C1QTNF7: variants seen among roughly 807,000 people sequenced by gnomAD.
C1QTNF7 encodes the protein complement C1q tumor necrosis factor-related protein 7.
Under a neutral mutation model 19.6 loss-of-function variants are expected in C1QTNF7, and 15 were observed. The observed-to-expected ratio is 0.76, with a 90% confidence interval of 0.51 to 1.18. The LOEUF is 1.18. Ranked by LOEUF, C1QTNF7 falls within the 50% of genes most tolerant of loss-of-function variation. The pLI is 0.00. For synonymous variants in C1QTNF7, 142 were observed against 137.5 expected (o/e 1.03, Z -0.23); for missense variants, 324 against 359.7 (o/e 0.90, Z 0.80).
chr4:15,394,490 A>G (rs564309129), intron 1 of C1QTNF7, among the ~76,000 whole-genome samples: 5 of 152,322 alleles, frequency 3.3e-5, no homozygotes, highest in African/African-American at 4.8e-5. Flanking sequence ...TCAAAAACAA[A>G]TTCATCCTCA....
chr4:15,410,458 T>A (rs932862970), intron 1 of C1QTNF7, among the ~76,000 whole-genome samples: 13 of 152,320 alleles, frequency 8.5e-5, no homozygotes, highest in Admixed American at 3.9e-4. Flanking sequence ...TGTGAATATT[T>A]TCCTTATGAT....
At chr4:15,341,706 C>T (rs533899027) in intron 1 of C1QTNF7, among the ~76,000 whole-genome samples, 2 of 152,220 alleles carry the variant, frequency 1.3e-5, no homozygotes, top group African/African-American at 2.4e-5. Flanking sequence ...GTCTCCTTCC[C>T]GGTCCTCTCG....
intron 1 of C1QTNF7, among the ~76,000 whole-genome samples, chr4:15,344,523 G>A (rs909154299): frequency 2.0e-5 from 3 of 152,132 alleles, no homozygotes; most frequent in Non-Finnish European, 4.4e-5. Flanking sequence ...ATTCTACATG[G>A]ACCTCAGTTT....
At chr4:15,427,963 T>C (rs2108931807), upstream of C1QTNF7, 1 of 933,552 alleles carries the variant, frequency 1.1e-6, no homozygotes, top group East Asian at 1.2e-4. Flanking sequence ...AAATTATTTT[T>C]AGCACAACTA....
chr4:15,432,459 A>C (rs1712357278), intron 1 of C1QTNF7, among the ~76,000 whole-genome samples: 1 of 152,164 alleles, frequency 6.6e-6, no homozygotes, highest in South Asian at 2.1e-4. Flanking sequence ...GCAGCAACAC[A>C]ATCTCTGCTC....
chr4:15,346,787 A>G (rs1716731522), intron 1 of C1QTNF7, among the ~76,000 whole-genome samples: 1 of 152,178 alleles, frequency 6.6e-6, no homozygotes, highest in African/African-American at 2.4e-5. Flanking sequence ...TAAAGACCAT[A>G]TTCTTCAACA....
At chr4:15,395,335 G>A (rs1012054188) in intron 1 of C1QTNF7, among the ~76,000 whole-genome samples, 4 of 152,282 alleles carry the variant, frequency 2.6e-5, no homozygotes, top group Admixed American at 1.3e-4. Context: ...GTGGACTCTG[G>A]ATTGGTGTTT....
At chr4:15,422,423 C>A (rs552986055) in intron 1 of C1QTNF7, among the ~76,000 whole-genome samples, 13 of 152,206 alleles carry the variant, frequency 8.5e-5, no homozygotes, top group Non-Finnish European at 1.6e-4. Context: ...CTTGGAAAAT[C>A]CTTCCTCCTG....
intron 1 of C1QTNF7, among the ~76,000 whole-genome samples, chr4:15,391,951 G>A (rs1364020883): frequency 6.6e-6 from 1 of 152,134 alleles, no homozygotes; most frequent in South Asian, 2.1e-4. Flanking sequence ...ATACAGACAG[G>A]CAGTGAGAGA....
intron 1 of C1QTNF7, among the ~76,000 whole-genome samples, chr4:15,343,762 A>G (rs985404986): frequency 2.0e-5 from 3 of 152,252 alleles, no homozygotes; most frequent in African/African-American, 7.2e-5. Context: ...ACCAGTAATT[A>G]GTCACATTCT....
intron 1 of C1QTNF7, among the ~76,000 whole-genome samples, chr4:15,375,736 T>C (rs16891815): frequency 0.13 from 19,612 of 152,198 alleles, 1,602 homozygotes; most frequent in East Asian, 0.4. Flanking sequence ...CAATTTGTTC[T>C]GATTCATGAT....
At chr4:15,351,593 GC>G (rs1245426548) in intron 1 of C1QTNF7, among the ~76,000 whole-genome samples, 1 of 152,166 alleles carries the variant, frequency 6.6e-6, no homozygotes, top group Non-Finnish European at 1.5e-5. Flanking sequence ...AAGTCCCAGA[GC>G]CCAAGCGGCG....
At chr4:15,365,179 A>G (rs1464659701) in intron 1 of C1QTNF7, among the ~76,000 whole-genome samples, 5 of 152,146 alleles carry the variant, frequency 3.3e-5, no homozygotes, top group African/African-American at 1.2e-4. Context: ...AAAGGTATGA[A>G]TTAAAATCTA....
intron 1 of C1QTNF7, among the ~76,000 whole-genome samples, chr4:15,412,143 G>C (rs1214575461): frequency 1.3e-5 from 2 of 152,106 alleles, no homozygotes; most frequent in African/African-American, 4.8e-5. Flanking sequence ...ATCTGTCCTG[G>C]CTCTGATCAC....
chr4:15,392,629 A>T (rs953479104), intron 1 of C1QTNF7, among the ~76,000 whole-genome samples: 7 of 152,174 alleles, frequency 4.6e-5, no homozygotes, highest in Non-Finnish European at 1.0e-4. Context: ...GATGCCAAGC[A>T]TCTCTCAGGC....
At chr4:15,434,777 C>A (rs1712462998) in intron 1 of C1QTNF7, among the ~76,000 whole-genome samples, 1 of 152,150 alleles carries the variant, frequency 6.6e-6, no homozygotes, top group South Asian at 2.1e-4. Context: ...TTGAAGAGAC[C>A]TGCTGCCTGC....
At chr4:15,431,179 A>G (rs902157460) in intron 1 of C1QTNF7, among the ~76,000 whole-genome samples, 36 of 152,368 alleles carry the variant, frequency 2.4e-4, no homozygotes, top group African/African-American at 7.9e-4. Flanking sequence ...AACTGGTTAA[A>G]TATTACAAAC....
chr4:15,430,138 C>T (rs1327984574), intron 1 of C1QTNF7, among the ~76,000 whole-genome samples: 1 of 152,178 alleles, frequency 6.6e-6, no homozygotes, highest in East Asian at 1.9e-4. Context: ...AATATAAGCA[C>T]ATGAACATGG....
upstream of C1QTNF7, chr4:15,427,892 G>A (rs569452905): frequency 1.7e-5 from 5 of 292,540 alleles, no homozygotes; most frequent in South Asian, 3.9e-4. Flanking sequence ...ACTGGTCCCC[G>A]AGTTGAGCCT....
Sources: allele counts gnomAD v4.1 joint callset (sites outside exome capture counted in the v4.1 genomes callset), GRCh38; gene constraint gnomAD v4.1.1; transcripts MANE v1.5; gene names NCBI Gene and HGNC (gene_info 2026-07-23, HGNC 2026-07-21).